SLC30A10: variants seen among roughly 807,000 people sequenced by gnomAD.
SLC30A10 encodes solute carrier family 30 member 10, also known as calcium/manganese antiporter SLC30A10.
SLC30A10 carries 8 observed loss-of-function variants against 21.7 expected under a neutral mutation model. The ratio of observed to expected loss-of-function variants is 0.37; its 90% CI spans 0.22 to 0.67. SLC30A10 has a LOEUF of 0.67. SLC30A10 is among the 30% of genes least tolerant of loss of function. The pLI is 0.58. For synonymous variants in SLC30A10, 272 were observed against 279.4 expected, an observed-to-expected ratio of 0.97 and a Z score of 0.26; for missense variants, 521 against 642.5, an observed-to-expected ratio of 0.81 and a Z score of 2.04.
intron 2 of SLC30A10, among the ~76,000 whole-genome samples, chr1:219,921,781 T>C (rs903133424): frequency 1.6e-4 from 25 of 152,172 alleles, no homozygotes; most frequent in African/African-American, 6.0e-4. Context: ...AATAATGCAA[T>C]GTATCTTCTG....
upstream of SLC30A10, among the ~76,000 whole-genome samples, chr1:219,932,318 A>T (rs1279759255): frequency 6.6e-6 from 1 of 152,232 alleles, no homozygotes; most frequent in African/African-American, 2.4e-5. Flanking sequence ...AATGGTTTTT[A>T]AAAGTTCTGT....
chr1:219,927,653 A>T, intron 1 of SLC30A10, 148 bp downstream of exon 1: 2 of 556,568 alleles, frequency 3.6e-6, no homozygotes. Context: ...AAAAAAAAAA[A>T]AAAAAAAAAA....
At position 219,927,643 on chromosome 1, in the gene SLC30A10, A is replaced by T. The variant is rs1444009332; in HGVS notation, c.640+158T>A. The stretch of plus-strand genomic sequence containing the variant: ...TGTAAAGGGAATGGATTTATTAAAA[A>T]AAAAAAAAAAAAAAAAAAAAAAAAA... On this transcript the variant is annotated intron_variant, in intron 1 of 3. Coordinates refer to ENST00000366926, the MANE Select transcript of SLC30A10 (RefSeq NM_018713.3). Among the ~76,000 whole-genome samples, 183 of 20,904 alleles carry T rather than the reference A, an allele frequency of 8.8e-3. No individual in the cohort carries two copies. In the African/African-American group the frequency reaches 0.11, roughly 13 times the overall value. 13.7% of individuals were successfully genotyped at this position (20,904 alleles called of 152,430 possible).
intron 1 of SLC30A10, among the ~76,000 whole-genome samples, chr1:219,952,562 G>T (rs1660284523): frequency 2.4e-5 from 1 of 41,282 alleles, no homozygotes; most frequent in Non-Finnish European, 4.0e-5. Context: ...TTAACTAGCT[G>T]TATGATTGTG....
upstream of SLC30A10, among the ~76,000 whole-genome samples, chr1:219,931,210 T>C (rs1482557896): frequency 6.6e-6 from 1 of 152,194 alleles, no homozygotes; most frequent in African/African-American, 2.4e-5. Context: ...CTGGAGCAAA[T>C]TGCCCAATTA....
intron 1 of SLC30A10, among the ~76,000 whole-genome samples, chr1:219,951,218 C>G (rs973050126): frequency 1.3e-5 from 2 of 151,872 alleles, no homozygotes; most frequent in African/African-American, 4.8e-5. Context: ...ACTTCAGCCT[C>G]CCAAAGTGCT....
upstream of SLC30A10, chr1:219,928,631 T>C (rs1330268906): frequency 7.6e-6 from 4 of 527,602 alleles, no homozygotes; most frequent in Non-Finnish European, 1.3e-5. The surrounding 1 kb of genome is among the most constrained non-coding windows in gnomAD (Gnocchi z 6.3). Flanking sequence ...GTCCAGAGTC[T>C]AAAGGAGTGG....
chr1:219,939,839 G>A (rs1248226734), intron 1 of SLC30A10, among the ~76,000 whole-genome samples: 4 of 152,206 alleles, frequency 2.6e-5, no homozygotes, highest in Non-Finnish European at 5.9e-5. Flanking sequence ...CATTCAAGGT[G>A]ACAAGATCCT....
At chr1:219,953,733 G>A (rs1660305645) in intron 1 of SLC30A10, among the ~76,000 whole-genome samples, 1 of 142,212 alleles carries the variant, frequency 7.0e-6, no homozygotes, top group African/African-American at 2.9e-5. Flanking sequence ...TTGAGACTGA[G>A]TCTTGCTCTG....
At chr1:219,944,172 G>T (rs989143346) in intron 1 of SLC30A10, among the ~76,000 whole-genome samples, 1 of 151,506 alleles carries the variant, frequency 6.6e-6, no homozygotes, top group African/African-American at 2.4e-5. Flanking sequence ...AACTGGCGGG[G>T]CATGACAGCT....
chr1:219,930,543 C>T (rs1039114844), upstream of SLC30A10, among the ~76,000 whole-genome samples: 2 of 152,190 alleles, frequency 1.3e-5, no homozygotes, highest in Non-Finnish European at 2.9e-5. Flanking sequence ...CCTTGTAAAA[C>T]ATAACCTTGT....
At chr1:219,927,393 AAG>A (rs952545911) in intron 1 of SLC30A10, among the ~76,000 whole-genome samples, 7 of 152,046 alleles carry the variant, frequency 4.6e-5, no homozygotes, top group Admixed American at 2.0e-4. Flanking sequence ...CGGATGGGCA[AAG>A]AGGGGGGGAG....
chr1:219,920,211 G>T (rs565535852), intron 2 of SLC30A10, among the ~76,000 whole-genome samples: 1 of 152,110 alleles, frequency 6.6e-6, no homozygotes, highest in Admixed American at 6.6e-5. Flanking sequence ...CTAATGCTGT[G>T]CTCCTTTCTC....
chr1:219,925,651 A>ATATATATATATATATATATATATTT (rs1317554458), intron 2 of SLC30A10, among the ~76,000 whole-genome samples: 1 of 48,280 alleles, frequency 2.1e-5, no homozygotes, highest in African/African-American at 1.2e-4. Flanking sequence ...ATATATATAT[A>ATATATATATATATATATATATATTT]TTTTTTTTTT....
intron 2 of SLC30A10, among the ~76,000 whole-genome samples, chr1:219,919,623 A>G (rs988327495): frequency 6.6e-6 from 1 of 152,086 alleles, no homozygotes; most frequent in Non-Finnish European, 1.5e-5. Context: ...TAAAAATACA[A>G]AAAATTAGCT....
At chr1:219,926,978 C>G in intron 2 of SLC30A10, 50 bp downstream of exon 2, 1 of 1,400,202 alleles carries the variant, frequency 7.1e-7, no homozygotes, top group Non-Finnish European at 1.0e-6. Flanking sequence ...ACAACACAGT[C>G]CATGTGTGTC....
intron 3 of SLC30A10, among the ~76,000 whole-genome samples, chr1:219,917,375 T>C (rs1659568687): frequency 6.6e-6 from 1 of 152,156 alleles, no homozygotes; most frequent in Non-Finnish European, 1.5e-5. Flanking sequence ...TTTGTATATG[T>C]TTATCTTATT....
At chr1:219,957,978 A>G (rs993205904) in intron 1 of SLC30A10, among the ~76,000 whole-genome samples, 1 of 152,212 alleles carries the variant, frequency 6.6e-6, no homozygotes, top group Admixed American at 6.5e-5. Flanking sequence ...GCAATAAATA[A>G]GTGCAAATTT....
At chr1:219,936,594 C>T (rs763847943) in intron 1 of SLC30A10, among the ~76,000 whole-genome samples, 11 of 152,122 alleles carry the variant, frequency 7.2e-5, no homozygotes, top group African/African-American at 9.7e-5. Flanking sequence ...GTTCTTCTTT[C>T]GGAATTTTTC....
Sources: gnomAD v4.1 joint callset for allele counts (sites outside exome capture counted in the v4.1 genomes callset) on GRCh38, gnomAD v4.1.1 for gene constraint, Gnocchi (gnomAD v3.1) non-coding constraint, MANE v1.5 for transcripts, NCBI Gene and HGNC (gene_info 2026-07-23, HGNC 2026-07-21) for gene names.